The following CACHD1 variants were observed in gnomAD, a reference collection of about 807,000 sequenced individuals.
CACHD1 encodes the protein VWFA and cache domain-containing protein 1.
A neutral mutation model predicts 138.7 loss-of-function variants in CACHD1; 71 were observed. The ratio of observed to expected loss-of-function variants is 0.51; its 90% CI spans 0.42 to 0.62. The LOEUF (loss-of-function observed/expected upper bound fraction) is 0.62. CACHD1 is among the 20% of genes least tolerant of loss of function. CACHD1 has a pLI of 0.00. For synonymous variants in CACHD1, 578 were observed against 591.5 expected, an observed-to-expected ratio of 0.98 and a Z score of 0.33; for missense variants, 1,389 against 1,625.3, an observed-to-expected ratio of 0.85 and a Z score of 2.50.
At chr1:64,582,417 T>C in intron 3 of CACHD1, 113 bp downstream of exon 3, 1 of 953,454 alleles carries the variant, frequency 1.0e-6, no homozygotes, top group Non-Finnish European at 1.6e-6. Context: ...GTAGCTTGTT[T>C]CCCACTATTT....
intron 1 of CACHD1, among the ~76,000 whole-genome samples, chr1:64,533,320 C>G (rs1185939498): frequency 2.6e-5 from 4 of 152,238 alleles, no homozygotes; most frequent in Non-Finnish European, 5.9e-5. Context: ...TGTGCCATCA[C>G]ACTCCAGCCT....
intron 26 of CACHD1, among the ~76,000 whole-genome samples, chr1:64,684,363 CTTTTTT>C (rs397980387): frequency 1.3e-4 from 7 of 54,984 alleles, no homozygotes; most frequent in African/African-American, 5.4e-4. Flanking sequence ...TCTTCTTCTT[CTTTTTT>C]TTTTTTTTTT....
intron 1 of CACHD1, among the ~76,000 whole-genome samples, chr1:64,509,875 G>A (rs1229330869): frequency 6.6e-6 from 1 of 152,126 alleles, no homozygotes. Context: ...CACGATTACT[G>A]TTAAGATTTT....
chr1:64,490,013 A>G (rs1193831976), intron 1 of CACHD1, among the ~76,000 whole-genome samples: 1 of 152,246 alleles, frequency 6.6e-6, no homozygotes, highest in African/African-American at 2.4e-5. Context: ...CAGAATGTCC[A>G]TTCCTAATTG....
At chr1:64,665,511 T>C (rs1649600550) in intron 15 of CACHD1, among the ~76,000 whole-genome samples, 1 of 152,034 alleles carries the variant, frequency 6.6e-6, no homozygotes, top group Non-Finnish European at 1.5e-5. Context: ...TCTTAGTAAA[T>C]GCCCAGATAT....
intron 2 of CACHD1, among the ~76,000 whole-genome samples, chr1:64,562,896 G>A (rs1034130126): frequency 6.6e-6 from 1 of 152,066 alleles, no homozygotes; most frequent in Non-Finnish European, 1.5e-5. Context: ...TTTTTCTTGA[G>A]AATTGGTCAC....
intron 7 of CACHD1, among the ~76,000 whole-genome samples, chr1:64,637,379 G>A (rs6588099): frequency 0.98 from 149,359 of 152,284 alleles, 73,334 homozygotes; most frequent in East Asian, 1. Flanking sequence ...CCATTGAGCA[G>A]GAATGTCTGC....
chr1:64,504,283 T>C (rs1030734077), intron 1 of CACHD1, among the ~76,000 whole-genome samples: 2 of 152,188 alleles, frequency 1.3e-5, no homozygotes, highest in Non-Finnish European at 2.9e-5. Context: ...ACCTGCCTTG[T>C]CTTCCCAAAG....
chr1:64,566,693 C>T (rs1646885813), intron 2 of CACHD1, among the ~76,000 whole-genome samples: 1 of 148,988 alleles, frequency 6.7e-6, no homozygotes, highest in African/African-American at 2.5e-5. Flanking sequence ...TTTAAATGGT[C>T]TATCACTTTT....
At chr1:64,645,433 T>A (rs1570447402) in intron 8 of CACHD1, among the ~76,000 whole-genome samples, 2 of 152,010 alleles carry the variant, frequency 1.3e-5, no homozygotes, top group Non-Finnish European at 1.5e-5. Context: ...TATCAAAACA[T>A]CGCATGTACA....
At chr1:64,494,860 T>C (rs1475993980) in intron 1 of CACHD1, among the ~76,000 whole-genome samples, 2 of 152,196 alleles carry the variant, frequency 1.3e-5, no homozygotes, top group African/African-American at 2.4e-5. Flanking sequence ...TTATCTAAGA[T>C]GTGAAAGCCA....
intron 25 of CACHD1, among the ~76,000 whole-genome samples, chr1:64,681,547 T>TTTTG (rs1557555782): frequency 6.1e-5 from 7 of 114,504 alleles, no homozygotes; most frequent in South Asian, 2.7e-4. Context: ...TTGTGTTTTT[T>TTTTG]TTTTTTTTTT....
rs1237291736 is a variant in CACHD1, at chr1:64,559,868, CTTTTGT to C, written c.261+9221_261+9226del. The stretch of plus-strand genomic sequence containing the variant: ...TTCTTATTTTGTTTTTGCTGCTGTC[CTTTTGT>C]TTTTGTTTCCTTGTTTTTTAGATCT... On this transcript the variant is annotated intron_variant, in intron 2 of 26. Coordinates refer to ENST00000651257, the MANE Select transcript of CACHD1 (RefSeq NM_020925.4). 2.0e-5 allele frequency among the ~76,000 whole-genome samples: 3 copies of C among 151,952 alleles called. No homozygotes were observed. The East Asian group carries it at 5.8e-4, about 29-fold the overall frequency.
At chr1:64,599,511 A>G (rs1358433428) in intron 3 of CACHD1, among the ~76,000 whole-genome samples, 1 of 152,100 alleles carries the variant, frequency 6.6e-6, no homozygotes, top group Non-Finnish European at 1.5e-5. Context: ...ACAGAAGAGC[A>G]CATAGGGAGG....
At chr1:64,530,946 T>TG (rs1553130018) in intron 1 of CACHD1, among the ~76,000 whole-genome samples, 1 of 149,696 alleles carries the variant, frequency 6.7e-6, no homozygotes, top group Non-Finnish European at 1.5e-5. Context: ...TTTTTTTTTT[T>TG]TAGAAGGAAG....
intron 1 of CACHD1, among the ~76,000 whole-genome samples, chr1:64,490,768 A>C (rs1646270174): frequency 6.6e-6 from 1 of 152,224 alleles, no homozygotes; most frequent in Non-Finnish European, 1.5e-5. Flanking sequence ...ACCCTACCTC[A>C]AAGGTTGTAG....
At chr1:64,596,663 T>C (rs12564819) in intron 3 of CACHD1, among the ~76,000 whole-genome samples, 22,543 of 152,192 alleles carry the variant, frequency 0.15, 2,052 homozygotes, top group African/African-American at 0.25. Context: ...ATTTCTTCCA[T>C]ACCCACTTCT....
intron 1 of CACHD1, among the ~76,000 whole-genome samples, chr1:64,522,039 G>A (rs1252857195): frequency 1.3e-5 from 2 of 152,096 alleles, no homozygotes; most frequent in African/African-American, 4.8e-5. Context: ...CCAAATCCAA[G>A]GCCATGAAGA....
chr1:64,669,385 C>A (rs11208499), intron 16 of CACHD1, among the ~76,000 whole-genome samples: 34,466 of 152,140 alleles, frequency 0.23, 6,438 homozygotes, highest in East Asian at 0.71. Flanking sequence ...TTAAGCTAAT[C>A]TTCAGCTTGT....
Sources: gnomAD v4.1 joint callset for allele counts (sites outside exome capture counted in the v4.1 genomes callset) on GRCh38, gnomAD v4.1.1 for gene constraint, MANE v1.5 for transcripts, NCBI Gene and HGNC (gene_info 2026-07-23, HGNC 2026-07-21) for gene names.